RPRD2: variants seen among roughly 807,000 people sequenced by gnomAD.
The protein encoded by RPRD2 is regulation of nuclear pre-mRNA domain containing 2.
RPRD2 carries 12 observed loss-of-function variants against 104.4 expected under a neutral mutation model. The observed-to-expected ratio is 0.11, with a 90% CI of 0.07 to 0.19. RPRD2 has a LOEUF of 0.19. Among genes scored for constraint, RPRD2 ranks in the 10% least tolerant of loss-of-function variants. RPRD2 has a pLI of 1.00. For missense variants in RPRD2, 1,543 were observed against 1,790.1 expected, an observed-to-expected ratio of 0.86 and a Z score of 2.49; for synonymous variants, 714 against 684.9, an observed-to-expected ratio of 1.04 and a Z score of -0.66.
intron 1 of RPRD2, among the ~76,000 whole-genome samples, chr1:150,384,888 G>A (rs1258710390): frequency 6.6e-6 from 1 of 152,046 alleles, no homozygotes; most frequent in Non-Finnish European, 1.5e-5. Flanking sequence ...TGTGGTGGTG[G>A]CGTGTGAAGT....
intron 1 of RPRD2, among the ~76,000 whole-genome samples, chr1:150,400,887 A>T (rs11807119): frequency 0.087 from 13,067 of 149,628 alleles, 680 homozygotes; most frequent in African/African-American, 0.11. Context: ...TTTTTTTTTA[A>T]AAAAAAGAGG....
intron 1 of RPRD2, among the ~76,000 whole-genome samples, chr1:150,369,519 C>T (rs1434403371): frequency 5.5e-5 from 7 of 128,428 alleles, no homozygotes; most frequent in East Asian, 2.4e-4. Context: ...TGCAGTGGCG[C>T]GATCTCGGCT....
chr1:150,428,061 CAT>C (rs1665282782), intron 2 of RPRD2, among the ~76,000 whole-genome samples: 1 of 152,040 alleles, frequency 6.6e-6, no homozygotes, highest in African/African-American at 2.4e-5. Context: ...CAAAAGATAA[CAT>C]AAAACTAAAG....
At chr1:150,397,758 A>G (rs1213633203) in intron 1 of RPRD2, among the ~76,000 whole-genome samples, 3 of 151,886 alleles carry the variant, frequency 2.0e-5, no homozygotes, top group Non-Finnish European at 4.4e-5. Context: ...TTATTTATTT[A>G]TTTATTGAGA....
Position 150,364,995 on chromosome 1 carries a change from TC to T in RPRD2, c.205+79del, listed in dbSNP as rs1659725018. The stretch of plus-strand genomic sequence containing the variant: ...GTGTGGCCTGAAACGCTTGGGGTTT[TC>T]CCACGGAGCCGCAGCATTTGGTTGG... On this transcript the variant is annotated intron_variant, in intron 1 of 10. Coordinates refer to ENST00000369068, the MANE Select transcript of RPRD2 (RefSeq NM_015203.5). 7 of 1,466,314 alleles carry T rather than the reference TC, an allele frequency of 4.8e-6. No individual in the cohort carries two copies. The South Asian group carries it at 7.3e-5, about 15-fold the overall frequency. 90.8% of individuals were successfully genotyped at this position (1,466,314 alleles called of 1,614,324 possible).
chr1:150,466,563 T>A (rs1273568067), intron 10 of RPRD2, among the ~76,000 whole-genome samples: 3 of 146,452 alleles, frequency 2.0e-5, no homozygotes, highest in South Asian at 4.3e-4. Context: ...AAAAAAAAAA[T>A]TTCTGAGACA....
chr1:150,435,625 C>T (rs1051516144), intron 2 of RPRD2, among the ~76,000 whole-genome samples: 75 of 152,308 alleles, frequency 4.9e-4, no homozygotes, highest in African/African-American at 1.7e-3. Flanking sequence ...GGCCCTAACT[C>T]TCCTCAATTC....
intron 5 of RPRD2, among the ~76,000 whole-genome samples, chr1:150,443,859 A>C (rs1433092458): frequency 2.6e-5 from 4 of 151,866 alleles, no homozygotes; most frequent in African/African-American, 4.8e-5. Flanking sequence ...AAAAAAAAAA[A>C]AAACAAAAAT....
At chr1:150,430,756 C>A (rs1041351710) in intron 2 of RPRD2, among the ~76,000 whole-genome samples, 3 of 152,008 alleles carry the variant, frequency 2.0e-5, no homozygotes, top group African/African-American at 7.2e-5. Context: ...ATGGAGAAAC[C>A]CCGTCTCTAC....
chr1:150,420,918 AG>A (rs1230917278), intron 2 of RPRD2, among the ~76,000 whole-genome samples: 5 of 152,316 alleles, frequency 3.3e-5, no homozygotes, highest in Admixed American at 6.5e-5. Context: ...TATCTACATC[AG>A]GGGGGCAACC....
chr1:150,432,013 T>G (rs1167767237), intron 2 of RPRD2, among the ~76,000 whole-genome samples: 2 of 151,904 alleles, frequency 1.3e-5, no homozygotes, highest in African/African-American at 2.4e-5. Context: ...AAATAAAGTT[T>G]TGGAGTTTGG....
chr1:150,409,836 G>C (rs782245606), intron 1 of RPRD2, among the ~76,000 whole-genome samples: 3 of 151,758 alleles, frequency 2.0e-5, no homozygotes, highest in Non-Finnish European at 4.4e-5. Flanking sequence ...GTAGAGAGGG[G>C]GTTTCACCAT....
chr1:150,402,597 G>A (rs1387729025), intron 1 of RPRD2, among the ~76,000 whole-genome samples: 1 of 152,142 alleles, frequency 6.6e-6, no homozygotes, highest in East Asian at 1.9e-4. Flanking sequence ...GATCACTTAA[G>A]CCCAAGAGGT....
chr1:150,426,819 A>G (rs1665160724), intron 2 of RPRD2, among the ~76,000 whole-genome samples: 1 of 152,150 alleles, frequency 6.6e-6, no homozygotes, highest in Admixed American at 6.6e-5. Flanking sequence ...CACAATACGA[A>G]TGTACTTAAT....
intron 2 of RPRD2, among the ~76,000 whole-genome samples, chr1:150,438,107 C>A (rs1666139126): frequency 6.7e-6 from 1 of 148,360 alleles, no homozygotes; most frequent in South Asian, 2.1e-4. Flanking sequence ...TACGGTGAAA[C>A]CCCATCTCAA....
intron 7 of RPRD2, among the ~76,000 whole-genome samples, chr1:150,448,206 C>T (rs1553895902): frequency 6.6e-6 from 1 of 152,072 alleles, no homozygotes; most frequent in Non-Finnish European, 1.5e-5. Flanking sequence ...CTCGCTTTGT[C>T]ACCCAGGCTG....
intron 1 of RPRD2, among the ~76,000 whole-genome samples, chr1:150,410,871 G>A (rs1663843339): frequency 6.6e-6 from 1 of 152,120 alleles, no homozygotes; most frequent in South Asian, 2.1e-4. Flanking sequence ...TCTGGTGAGG[G>A]CTCAGGGCTC....
Position 150,457,323 on chromosome 1 carries a change from AAAG to A in RPRD2, c.913_915del (p.Lys305del), listed in dbSNP as rs1553897776. ...CCTTTGCTAACCGAGTAAACAATTT[AAAG>A]AAGAAGTTGGATCAATTGAAGTCAA... is the stretch of plus-strand genomic sequence containing the variant. On this transcript the variant is annotated inframe_deletion, in exon 8 of 11. Transcript: ENST00000369068. 3 of 1,609,242 alleles carry A rather than the reference AAAG, an allele frequency of 1.9e-6. No homozygotes were observed. The highest frequency in any genetic ancestry group is 2.6e-6 in the Non-Finnish European group (3 of 1,175,630).
intron 2 of RPRD2, among the ~76,000 whole-genome samples, chr1:150,428,093 T>G (rs587712743): frequency 6.6e-6 from 1 of 152,116 alleles, no homozygotes; most frequent in East Asian, 1.9e-4. Flanking sequence ...ACGGAAGATA[T>G]TTGTCGTAGA....
Sources: gnomAD v4.1 joint callset for allele counts (sites outside exome capture counted in the v4.1 genomes callset) on GRCh38, gnomAD v4.1.1 for gene constraint, MANE v1.5 for transcripts, NCBI Gene and HGNC (gene_info 2026-07-23, HGNC 2026-07-21) for gene names.